NR5A2: variants seen among roughly 807,000 people sequenced by gnomAD.
NR5A2 encodes CYP7A promoter-binding factor.
NR5A2 carries 26 observed loss-of-function variants against 62.7 expected under a neutral mutation model. The ratio of observed to expected loss-of-function variants is 0.41; its 90% CI spans 0.30 to 0.58. NR5A2 has a LOEUF of 0.58. Among genes scored for constraint, NR5A2 ranks in the 20% least tolerant of loss-of-function variants. NR5A2 has a pLI of 0.22. For synonymous variants in NR5A2, 246 were observed against 241.7 expected, an observed-to-expected ratio of 1.02 and a Z score of -0.16; for missense variants, 541 against 669.1, an observed-to-expected ratio of 0.81 and a Z score of 2.11.
chr1:200,174,157 G>C lies in NR5A2; in HGVS notation c.1573G>C (p.Asp525His), dbSNP rs751586641. The change falls in exon 8 of 8, where the codon GAT (aspartate) becomes CAT (histidine). Residue 525 changes from aspartate to histidine, a missense_variant. By Grantham distance (81) the Asp-to-His change is moderately conservative. Transcript: ENST00000367362. ...CCTCTACTACAAGCACCTGAACGGG[G>C]ATGTGCCCTATAATAACCTTCTCAT... ...EYLYYKHLNGDVPYNNLLIEM... is the reference protein window; with the variant it reads ...EYLYYKHLNGHVPYNNLLIEM... 1 of 1,613,554 alleles carries C rather than the reference G, an allele frequency of 6.2e-7. No homozygotes were observed. The highest frequency in any genetic ancestry group is 8.5e-7 in the Non-Finnish European group (1 of 1,179,818).
intron 6 of NR5A2, among the ~76,000 whole-genome samples, chr1:200,114,206 G>A (rs1666103916): frequency 7.2e-6 from 1 of 138,740 alleles, no homozygotes; most frequent in South Asian, 2.4e-4. Context: ...GAAAAGAGGT[G>A]GAAGCTAGAA....
chr1:200,097,345 TG>T (rs1665148850), intron 5 of NR5A2, among the ~76,000 whole-genome samples: 2 of 152,260 alleles, frequency 1.3e-5, no homozygotes, highest in African/African-American at 4.8e-5. Context: ...GATACAGTTC[TG>T]TCTCTCTCCC....
chr1:200,114,864 C>T (rs545339548), intron 6 of NR5A2, among the ~76,000 whole-genome samples: 101 of 152,272 alleles, frequency 6.6e-4, no homozygotes, highest in South Asian at 1.5e-3. Flanking sequence ...AGTTTGTGTT[C>T]TTTACCAACA....
chr1:200,029,286 C>T (rs1661463435), intron 1 of NR5A2: 1 of 175,750 alleles, frequency 5.7e-6, no homozygotes, highest in Non-Finnish European at 1.2e-5. Context: ...CTGCGCGCAG[C>T]CCCAGCTGGC....
intron 5 of NR5A2, among the ~76,000 whole-genome samples, chr1:200,073,226 A>C (rs1316383226): frequency 9.0e-6 from 1 of 110,538 alleles, no homozygotes; most frequent in African/African-American, 4.2e-5. Flanking sequence ...TGGTCAAAGC[A>C]TTTACATACA....
chr1:200,038,731 C>T (rs1661899372), intron 1 of NR5A2: 2 of 1,366,238 alleles, frequency 1.5e-6, no homozygotes, highest in South Asian at 1.1e-5. Flanking sequence ...GGCTGCTTCT[C>T]CTTCGCCGCC....
chr1:200,052,335 T>C lies in NR5A2; in HGVS notation c.1110+3517T>C, dbSNP rs1316187152. 2.6e-5 allele frequency among the ~76,000 whole-genome samples: 4 copies of C among 152,176 alleles called. No homozygotes were observed. The East Asian group carries it at 5.8e-4, about 22-fold the overall frequency. On this transcript the variant is annotated intron_variant, in intron 5 of 7. Transcript: ENST00000367362. ...ATATCATTTGGGAAGATAAATGCTC[T>C]TTTTTATTCAATTTGATTTTAATTA...
chr1:200,127,221 T>A (rs956262918), intron 7 of NR5A2, among the ~76,000 whole-genome samples: 3 of 152,212 alleles, frequency 2.0e-5, no homozygotes, highest in African/African-American at 7.2e-5. Context: ...TCGGAGACAT[T>A]GGATCTCATC....
rs763134222 is a variant in NR5A2 at position 200,043,793 on chromosome 1, G to T, written c.222G>T (p.Val74=). The change falls in exon 3 of 8, where the codon GTG becomes GTT. Residue 74 remains valine, a synonymous_variant. Coordinates refer to ENST00000367362, the MANE Select transcript of NR5A2 (RefSeq NM_205860.3). ...ENMQVSQFKM[V]NYSYDEDLEE... Reference sequence around the variant, plus strand: ...TTTCAGTGTCTCAATTTAAAATGGTGAATTACTCCTATGATGAAGATCTGG... The same window carrying T: ...TTTCAGTGTCTCAATTTAAAATGGTTAATTACTCCTATGATGAAGATCTGG... 1 of 1,611,516 alleles carries T rather than the reference G, an allele frequency of 6.2e-7. No homozygotes were observed. Among genetic ancestry groups the T allele is most frequent in the African/African-American group, 1.3e-5 (1 of 74,864 alleles).
chr1:200,042,182 G>A (rs1266061893), intron 2 of NR5A2, among the ~76,000 whole-genome samples: 2 of 151,944 alleles, frequency 1.3e-5, no homozygotes, highest in Admixed American at 6.6e-5. Flanking sequence ...ACGAAGGCAG[G>A]CTCCTGCCTT....
chr1:200,115,883 T>C (rs772270985), intron 6 of NR5A2, among the ~76,000 whole-genome samples: 2 of 151,872 alleles, frequency 1.3e-5, no homozygotes, highest in East Asian at 1.9e-4. Context: ...GAAAACACCA[T>C]TGCTTAAAAT....
At chr1:200,161,361 A>C (rs537305853) in intron 7 of NR5A2, among the ~76,000 whole-genome samples, 1 of 152,284 alleles carries the variant, frequency 6.6e-6, no homozygotes, top group East Asian at 1.9e-4. Flanking sequence ...AGTTTTCACT[A>C]TCATCTGATA....
At chr1:200,117,512 G>T (rs1383353918) in intron 6 of NR5A2, among the ~76,000 whole-genome samples, 1 of 152,104 alleles carries the variant, frequency 6.6e-6, no homozygotes, top group African/African-American at 2.4e-5. Context: ...ATAATCCTAT[G>T]AAACAGATTC....
intron 5 of NR5A2, among the ~76,000 whole-genome samples, chr1:200,077,925 T>C (rs796264576): frequency 1.7e-4 from 26 of 152,296 alleles, no homozygotes; most frequent in African/African-American, 6.3e-4. Context: ...TATCTGATGA[T>C]AGCTTGTACT....
At chr1:200,079,005 G>A (rs918351240) in intron 5 of NR5A2, among the ~76,000 whole-genome samples, 1 of 152,042 alleles carries the variant, frequency 6.6e-6, no homozygotes, top group African/African-American at 2.4e-5. Flanking sequence ...GCCTATTCCT[G>A]GCATTCATAG....
chr1:200,144,223 TCTCTCTCTCTCACACACACACA>T (rs1405006585), intron 7 of NR5A2, among the ~76,000 whole-genome samples: 1 of 30,904 alleles, frequency 3.2e-5, no homozygotes, highest in Non-Finnish European at 7.1e-5. Context: ...TTTCTCTCTC[TCTCTCTCTCTCACACACACACA>T]CACACACACA....
At chr1:200,041,400 G>C (rs1239940309) in intron 2 of NR5A2, among the ~76,000 whole-genome samples, 1 of 152,164 alleles carries the variant, frequency 6.6e-6, no homozygotes, top group Non-Finnish European at 1.5e-5. Flanking sequence ...GGAAGCGCCG[G>C]GGCAAGGCTT....
chr1:200,095,315 A>G (rs553955948), intron 5 of NR5A2, among the ~76,000 whole-genome samples: 15 of 152,034 alleles, frequency 9.9e-5, no homozygotes, highest in South Asian at 8.3e-4. Context: ...TAGCAATGAG[A>G]TGCCCAGAGT....
intron 7 of NR5A2, among the ~76,000 whole-genome samples, chr1:200,159,720 C>T (rs1016957173): frequency 5.9e-5 from 9 of 151,816 alleles, no homozygotes; most frequent in Admixed American, 3.9e-4. Flanking sequence ...GGTGCCATCT[C>T]GGCTCACTGC....
Sources: allele counts gnomAD v4.1 joint callset (sites outside exome capture counted in the v4.1 genomes callset), GRCh38; gene constraint gnomAD v4.1.1; transcripts MANE v1.5; gene names NCBI Gene and HGNC (gene_info 2026-07-23, HGNC 2026-07-21).